LAMA2: variants seen among roughly 807,000 people sequenced by gnomAD.
LAMA2 encodes the protein laminin subunit alpha 2, also known as laminin subunit alpha-2.
A neutral mutation model predicts 364.8 loss-of-function variants in LAMA2; 269 were observed. The observed-to-expected ratio is 0.74, with a 90% confidence interval of 0.67 to 0.82. LAMA2 has a LOEUF of 0.82. Ranked by LOEUF, LAMA2 falls within the 40% of genes least tolerant of loss-of-function variation. The pLI is 0.00. For missense variants in LAMA2, 3,807 were observed against 3,873.2 expected (o/e 0.98, Z 0.45); for synonymous variants, 1,379 against 1,370.6 (o/e 1.01, Z -0.14).
chr6:128,949,467 A>C (rs1582749559), intron 1 of LAMA2, among the ~76,000 whole-genome samples: 1 of 152,144 alleles, frequency 6.6e-6, no homozygotes, highest in Admixed American at 6.6e-5. Context: ...AGGGGGAAAA[A>C]AAGAAAATAA....
chr6:129,288,153 T>C (rs1429368580), intron 19 of LAMA2, 95 bp downstream of exon 19: 3 of 990,224 alleles, frequency 3.0e-6, no homozygotes, highest in Non-Finnish European at 4.9e-6. Context: ...GAGTAGGAAA[T>C]TATGTGGAAT....
intron 47 of LAMA2, among the ~76,000 whole-genome samples, chr6:129,455,408 A>G (rs1397339959): frequency 6.6e-6 from 1 of 152,142 alleles, no homozygotes; most frequent in African/African-American, 2.4e-5. Context: ...AAGGACATTT[A>G]TACTCATAAA....
At chr6:129,288,438 C>G (rs1789439701) in intron 19 of LAMA2, among the ~76,000 whole-genome samples, 1 of 151,630 alleles carries the variant, frequency 6.6e-6, no homozygotes, top group Non-Finnish European at 1.5e-5. Flanking sequence ...TTTTTTCTGC[C>G]CATGATATTT....
intron 1 of LAMA2, among the ~76,000 whole-genome samples, chr6:128,944,192 C>A (rs1780352077): frequency 6.6e-6 from 1 of 152,162 alleles, no homozygotes; most frequent in South Asian, 2.1e-4. Flanking sequence ...TTCACCTGAG[C>A]ACACATCACA....
chr6:129,335,356 GTAGATAGA>G lies in LAMA2; in HGVS notation c.4312-6952_4312-6945del, dbSNP rs35228622. ...GTACACACACATAGGTAGTAAGTAG[GTAGATAGA>G]TAGATAGATAGATAGATAGATAGAT... On this transcript the variant is annotated intron_variant, in intron 29 of 64. Coordinates refer to ENST00000421865, the MANE Select transcript of LAMA2 (RefSeq NM_000426.4). 2.8e-3 allele frequency among the ~76,000 whole-genome samples: 421 copies of G among 148,478 alleles called. 4 individuals are homozygous for G. Among genetic ancestry groups the G allele is most frequent in the East Asian group, 2.2e-3 (11 of 5,020 alleles).
Position 129,473,280 on chromosome 6 carries a change from A to G in LAMA2, c.7367A>G (p.Asn2456Ser). The change falls in exon 52 of 65, where the codon AAC (asparagine) becomes AGC (serine). Residue 2456 changes from asparagine to serine, a missense_variant. By Grantham distance (46) the Asn-to-Ser change is conservative. Coordinates refer to ENST00000421865, the MANE Select transcript of LAMA2 (RefSeq NM_000426.4). ...AATATAGCAACTTCGTCTTCTGGAA[A>G]CAACTTTGGTCTTGACTTGAAAGCA... ...EENIATSSSGNNFGLDLKADD... is the reference protein window; with the variant it reads ...EENIATSSSGSNFGLDLKADD... 6.2e-7 allele frequency: 1 copy of G among 1,611,996 alleles called. No individual in the cohort carries two copies. The highest frequency in any genetic ancestry group is 8.5e-7 in the Non-Finnish European group (1 of 1,178,484).
intron 1 of LAMA2, among the ~76,000 whole-genome samples, chr6:128,984,051 G>T (rs1453297413): frequency 3.3e-5 from 5 of 152,084 alleles, no homozygotes; most frequent in Non-Finnish European, 2.9e-5. Context: ...ATTCACCATT[G>T]TATCCCCCAG....
Position 129,502,786 on chromosome 6 carries a change from G to C in LAMA2, c.8357+15G>C, listed in dbSNP as rs375103462. 3 of 1,485,760 alleles carry C rather than the reference G, an allele frequency of 2.0e-6. No homozygotes were observed. Among genetic ancestry groups the C allele is most frequent in the Non-Finnish European group, 2.8e-6 (3 of 1,063,448 alleles). The allele number at this position is 1,485,760 out of a possible 1,614,324, so 92.0% of individuals were successfully genotyped here. On this transcript the variant is annotated intron_variant, in intron 59 of 64. Transcript: ENST00000421865. The stretch of plus-strand genomic sequence containing the variant: ...GTTAAAAACCGGTATGTATCATCCT[G>C]AGACACTGGGAAAGAACCGATAAAT...
intron 63 of LAMA2, 69 bp from the exon 64 acceptor site, chr6:129,514,304 G>C (rs1449018175): frequency 7.3e-6 from 8 of 1,088,816 alleles, no homozygotes; most frequent in Non-Finnish European, 1.1e-5. Context: ...CTGATCATTT[G>C]TATGTGTGAA....
At chr6:129,048,176 G>T (rs1582937342) in intron 1 of LAMA2, among the ~76,000 whole-genome samples, 1 of 152,240 alleles carries the variant, frequency 6.6e-6, no homozygotes, top group South Asian at 2.1e-4. Context: ...TGGCTATTAT[G>T]ATTATAATTA....
intron 1 of LAMA2, among the ~76,000 whole-genome samples, chr6:128,897,329 C>CT (rs34940887): frequency 1.5e-4 from 22 of 148,446 alleles, no homozygotes; most frequent in South Asian, 2.1e-4. Context: ...AGTCTATGAA[C>CT]TTTTTTTTTT....
intron 46 of LAMA2, 123 bp downstream of exon 46, chr6:129,453,254 T>C: frequency 1.1e-6 from 1 of 906,430 alleles, no homozygotes; most frequent in Non-Finnish European, 1.8e-6. Context: ...GCTTTCAGAT[T>C]TGAAAACCTC....
Position 129,507,510 on chromosome 6 carries a change from T to C in LAMA2, c.8725T>C (p.Cys2909Arg). ...IGPVTYSIDG[C>R]VRNLHMAEAP... ...TTAGGTGACCTATAGCATTGATGGCTGCGTCAGGAATCTCCACATGGCAGA... is the reference window on the plus strand; with the variant it reads ...TTAGGTGACCTATAGCATTGATGGCCGCGTCAGGAATCTCCACATGGCAGA... Residue 2909 changes from cysteine to arginine, a missense_variant, in exon 62 of 65, where the codon TGC (cysteine) becomes CGC (arginine). By Grantham distance (180) the Cys-to-Arg change is radical. Transcript: ENST00000421865. 6.2e-7 allele frequency: 1 copy of C among 1,614,200 alleles called. No homozygotes were observed. The highest frequency in any genetic ancestry group is 8.5e-7 in the Non-Finnish European group (1 of 1,179,998).
intron 7 of LAMA2, among the ~76,000 whole-genome samples, chr6:129,152,905 G>A (rs1420600717): frequency 6.6e-6 from 1 of 152,016 alleles, no homozygotes; most frequent in African/African-American, 2.4e-5. Flanking sequence ...AAAAGAACCG[G>A]TTCTAAACAG....
chr6:129,435,986 C>T (rs185488486), intron 41 of LAMA2, among the ~76,000 whole-genome samples: 63 of 152,224 alleles, frequency 4.1e-4, no homozygotes, highest in African/African-American at 1.3e-3. Flanking sequence ...TTCTTTGGGG[C>T]GTATTCTCTC....
rs76155869 is a variant in LAMA2 at position 129,503,925 on chromosome 6, T to A, written c.8547+645T>A. The stretch of plus-strand genomic sequence containing the variant: ...TACTATTATGGGCACAGAAGGCTCA[T>A]TTGCCAGCTTACTGTCCTCTTTGGC... On this transcript the variant is annotated intron_variant, in intron 60 of 64. Coordinates refer to ENST00000421865, the MANE Select transcript of LAMA2 (RefSeq NM_000426.4). Among the ~76,000 whole-genome samples the A allele has an allele frequency of 8.0e-4, 122 of 152,338 alleles. 1 individual carries two copies. In the East Asian group the frequency reaches 0.019, roughly 24 times the overall value.
chr6:128,938,719 C>T (rs907303368), intron 1 of LAMA2, among the ~76,000 whole-genome samples: 2 of 152,086 alleles, frequency 1.3e-5, no homozygotes, highest in African/African-American at 2.4e-5. Context: ...TGATTGTAGA[C>T]ATCAGTTTGT....
intron 17 of LAMA2, among the ~76,000 whole-genome samples, chr6:129,279,100 A>G (rs560585177): frequency 6.6e-6 from 1 of 152,324 alleles, no homozygotes; most frequent in African/African-American, 2.4e-5. Context: ...TAGAAAACAA[A>G]TCTACTTAGG....
chr6:129,302,459 T>A (rs1362470251), intron 22 of LAMA2, among the ~76,000 whole-genome samples: 2 of 152,112 alleles, frequency 1.3e-5, no homozygotes, highest in Non-Finnish European at 2.9e-5. Context: ...GATTGCTTTT[T>A]ACCTAGTTTC....
Sources: allele counts gnomAD v4.1 joint callset (sites outside exome capture counted in the v4.1 genomes callset), GRCh38; gene constraint gnomAD v4.1.1; transcripts MANE v1.5; gene names NCBI Gene and HGNC (gene_info 2026-07-23, HGNC 2026-07-21).